The following CDC42 variants were observed in gnomAD, a reference collection of about 807,000 sequenced individuals.
The protein encoded by CDC42 is cell division control protein 42 homolog.
In CDC42, 1 loss-of-function variant was observed where a neutral mutation model predicts 20.8. The ratio of observed to expected loss-of-function variants is 0.05; its 90% CI spans 0.02 to 0.23. The LOEUF (loss-of-function observed/expected upper bound fraction) is 0.23. CDC42 is among the 10% of genes least tolerant of loss of function. The pLI is 1.00. For missense variants in CDC42, 49 were observed against 227.9 expected (o/e 0.21, Z 5.05); for synonymous variants, 72 against 84.8 (o/e 0.85, Z 0.83).
chr1:22,066,713 C>T (rs17837962), intron 1 of CDC42, among the ~76,000 whole-genome samples: 2,035 of 152,010 alleles, frequency 0.013, 54 homozygotes, highest in African/African-American at 0.046. Flanking sequence ...GAGCTGAGAT[C>T]TGGAGAGTGA....
chr1:22,078,982 T>C, intron 2 of CDC42: 1 of 542,902 alleles, frequency 1.8e-6, no homozygotes, highest in Non-Finnish European at 2.7e-6. Flanking sequence ...TGAGAGAAAG[T>C]AGTATGTGTC....
intron 5 of CDC42, chr1:22,090,687 A>G: frequency 1.0e-6 from 1 of 985,370 alleles, no homozygotes; most frequent in Non-Finnish European, 1.2e-6. Context: ...CAGTTTGTTA[A>G]TGCTGAGATG....
At position 22,098,784 on chromosome 1, in the gene CDC42, G is replaced by A. The variant is rs959721200; in HGVS notation, c.*7267G>A. Among the ~76,000 whole-genome samples, 5 of 151,926 alleles carry A rather than the reference G, an allele frequency of 3.3e-5. No individual in the cohort carries two copies. The highest frequency in any genetic ancestry group is 4.8e-5 in the African/African-American group (2 of 41,360). On this transcript the variant is annotated 3_prime_UTR_variant, in exon 6 of 6. Transcript: ENST00000656825. Reference sequence around the variant, plus strand: ...TTACTTATTTATTTTTTGGAGACAGGGTCTCACTCTGTCACCCAGGCTGGA... The same window carrying A: ...TTACTTATTTATTTTTTGGAGACAGAGTCTCACTCTGTCACCCAGGCTGGA...
At chr1:22,087,707 T>C (rs1226186389) in intron 5 of CDC42, among the ~76,000 whole-genome samples, 1 of 152,222 alleles carries the variant, frequency 6.6e-6, no homozygotes, top group African/African-American at 2.4e-5. Flanking sequence ...AGGGCAAGAT[T>C]GAAGGGTGGA....
intron 5 of CDC42, among the ~76,000 whole-genome samples, chr1:22,091,145 AT>A (rs1176531716): frequency 6.6e-6 from 1 of 152,244 alleles, no homozygotes; most frequent in Non-Finnish European, 1.5e-5. Flanking sequence ...CAAATGACAC[AT>A]GTGCTTGTTT....
At chr1:22,071,444 G>A (rs1484518390) in intron 1 of CDC42, among the ~76,000 whole-genome samples, 2 of 152,152 alleles carry the variant, frequency 1.3e-5, no homozygotes, top group Admixed American at 1.3e-4. Context: ...AAACAAGACA[G>A]TTTGTTAGCA....
intron 1 of CDC42, among the ~76,000 whole-genome samples, chr1:22,055,871 T>TTG (rs1645299935): frequency 6.7e-6 from 1 of 149,946 alleles, no homozygotes; most frequent in Non-Finnish European, 1.5e-5. Context: ...TTTAGAGTTT[T>TTG]TTTTTTTTTT....
intron 5 of CDC42, among the ~76,000 whole-genome samples, chr1:22,091,057 C>T (rs555316484): frequency 2.2e-4 from 33 of 152,226 alleles, no homozygotes; most frequent in Non-Finnish European, 3.7e-4. Flanking sequence ...CCAGCTGTTT[C>T]ATTTGAATGC....
intron 1 of CDC42, chr1:22,068,758 C>G (rs2473317): frequency 0.17 from 26,148 of 152,250 alleles, 2,727 homozygotes; most frequent in African/African-American, 0.29. Flanking sequence ...GTTTCTGAGT[C>G]CAGTCTTCTT....
In CDC42 at chr1:22,094,366, C is replaced by T. The variant is rs1346498426; in HGVS notation, c.*2849C>T. ...AGGCTGGAGTGCAGTGGCGCGATCT[C>T]GGCTCACTGCAAGCTCCGCCTCCCG... On this transcript the variant is annotated 3_prime_UTR_variant, in exon 6 of 6. Coordinates refer to ENST00000656825, the MANE Select transcript of CDC42 (RefSeq NM_001791.4). Among the ~76,000 whole-genome samples, 5 of 107,450 alleles carry T rather than the reference C, an allele frequency of 4.7e-5. No homozygotes were observed. Among genetic ancestry groups the T allele is most frequent in the African/African-American group, 7.9e-5 (2 of 25,298 alleles). 70.5% of individuals were successfully genotyped at this position (107,450 alleles called of 152,430 possible).
At chr1:22,064,886 A>G (rs981346093) in intron 1 of CDC42, among the ~76,000 whole-genome samples, 4 of 152,138 alleles carry the variant, frequency 2.6e-5, no homozygotes, top group Non-Finnish European at 4.4e-5. Flanking sequence ...CATGTTGGTC[A>G]GGCTGGTCTC....
chr1:22,091,159 T>G (rs1467932669), intron 5 of CDC42, among the ~76,000 whole-genome samples: 1 of 152,246 alleles, frequency 6.6e-6, no homozygotes, highest in Admixed American at 6.5e-5. Flanking sequence ...GCTTGTTTGC[T>G]TCTTGTGACA....
rs1645574159 is a variant in CDC42, at chr1:22,078,423, T to C, written c.-50-6T>C. 7.7e-7 allele frequency: 1 copy of C among 1,292,552 alleles called. No homozygotes were observed. The highest frequency in any genetic ancestry group is 1.1e-6 in the Non-Finnish European group (1 of 904,808). 80.1% of individuals were successfully genotyped at this position (1,292,552 alleles called of 1,614,324 possible). The stretch of plus-strand genomic sequence containing the variant: ...AAATAAACAAATGTCTTTAATCTTT[T>C]TGCAGGTCATCATCAGATTTGAAAT... On this transcript the variant is annotated splice_polypyrimidine_tract_variant and splice_region_variant and intron_variant, in intron 1 of 5. Coordinates refer to ENST00000656825, the MANE Select transcript of CDC42 (RefSeq NM_001791.4).
intron 5 of CDC42, chr1:22,090,138 C>G (rs1645701533): frequency 6.9e-7 from 1 of 1,450,674 alleles, no homozygotes; most frequent in Non-Finnish European, 9.2e-7. Flanking sequence ...GCCTCTGCGT[C>G]TTTTTACTCA....
At chr1:22,058,134 G>A (rs1645324123) in intron 1 of CDC42, among the ~76,000 whole-genome samples, 1 of 152,116 alleles carries the variant, frequency 6.6e-6, no homozygotes, top group African/African-American at 2.4e-5. Flanking sequence ...AGTGTCACCT[G>A]GGAGCTCATT....
At chr1:22,055,967 A>G (rs1298578741) in intron 1 of CDC42, among the ~76,000 whole-genome samples, 1 of 148,686 alleles carries the variant, frequency 6.7e-6, no homozygotes, top group Admixed American at 6.8e-5. Context: ...GTGTTAACAT[A>G]TCTTCCATGA....
chr1:22,082,078 G>A (rs1252329594), intron 3 of CDC42, among the ~76,000 whole-genome samples: 5 of 152,250 alleles, frequency 3.3e-5, no homozygotes, highest in South Asian at 4.1e-4. Flanking sequence ...ATCCTGATGC[G>A]TGCACCTTGC....
intron 3 of CDC42, among the ~76,000 whole-genome samples, chr1:22,084,460 T>C (rs1645640876): frequency 6.6e-6 from 1 of 151,822 alleles, no homozygotes; most frequent in Non-Finnish European, 1.5e-5. Flanking sequence ...TGGCCATTTA[T>C]ATATCTTTGG....
At chr1:22,061,539 T>C (rs1645364782) in intron 1 of CDC42, among the ~76,000 whole-genome samples, 2 of 105,076 alleles carry the variant, frequency 1.9e-5, no homozygotes, top group African/African-American at 7.2e-5. Context: ...TTTCTTTTTT[T>C]TTTTTTTTTT....
Sources: gnomAD v4.1 joint callset for allele counts (sites outside exome capture counted in the v4.1 genomes callset) on GRCh38, gnomAD v4.1.1 for gene constraint, MANE v1.5 for transcripts, NCBI Gene and HGNC (gene_info 2026-07-23, HGNC 2026-07-21) for gene names.